Variants in PTPRC observed in about 807,000 individuals in gnomAD.
PTPRC encodes receptor-type tyrosine-protein phosphatase C.
PTPRC carries 44 observed loss-of-function variants against 155.9 expected under a neutral mutation model. The observed-to-expected ratio is 0.28, with a 90% confidence interval of 0.22 to 0.36. The LOEUF (loss-of-function observed/expected upper bound fraction) is 0.36, where lower values mean the gene tolerates loss of function less well. Among genes scored for constraint, PTPRC ranks in the 10% least tolerant of loss-of-function variants. The pLI is 1.00. For missense variants in PTPRC, 1,401 were observed against 1,564.6 expected (o/e 0.90, Z 1.76); for synonymous variants, 525 against 533.1 (o/e 0.98, Z 0.21).
At position 198,735,664 on chromosome 1, in the gene PTPRC, A is replaced by T. The variant is rs75644578; in HGVS notation, c.2403+412A>T. ...TTAGAGAACACTGTAAGAAGTATAA[A>T]GTTCTAACTATGCAGCAGAGATAGA... On this transcript the variant is annotated intron_variant, in intron 23 of 32. Coordinates refer to ENST00000442510, the MANE Select transcript of PTPRC (RefSeq NM_002838.5). 5.9e-4 allele frequency among the ~76,000 whole-genome samples: 89 copies of T among 151,812 alleles called. 1 individual carries two copies. In the East Asian group the frequency reaches 0.017, roughly 29 times the overall value.
At chr1:198,643,848 C>G (rs1662783737) in intron 2 of PTPRC, among the ~76,000 whole-genome samples, 1 of 151,916 alleles carries the variant, frequency 6.6e-6, no homozygotes, top group African/African-American at 2.4e-5. Context: ...TGCTAGTGCT[C>G]TGGGATTGCT....
At chr1:198,716,602 A>C in intron 12 of PTPRC, 80 bp from the exon 13 acceptor site, 1 of 1,252,388 alleles carries the variant, frequency 8.0e-7, no homozygotes, top group Non-Finnish European at 1.2e-6. Context: ...GAACAATGTG[A>C]TGTAGAGACC....
intron 17 of PTPRC, among the ~76,000 whole-genome samples, chr1:198,730,318 T>A (rs1654329010): frequency 1.3e-5 from 2 of 152,146 alleles, no homozygotes. Flanking sequence ...AAAGGCTTTA[T>A]TTTTCTTTGC....
At chr1:198,695,927 C>G (rs989091324) in intron 3 of PTPRC, among the ~76,000 whole-genome samples, 4 of 151,894 alleles carry the variant, frequency 2.6e-5, no homozygotes, top group Admixed American at 2.6e-4. Context: ...TTTGGGAGGC[C>G]GAGGCGGGTG....
At chr1:198,727,655 T>G (rs951382862) in intron 15 of PTPRC, among the ~76,000 whole-genome samples, 4 of 152,162 alleles carry the variant, frequency 2.6e-5, no homozygotes, top group African/African-American at 9.7e-5. Context: ...GCTCTGGAGC[T>G]GAGGCTCTTA....
intron 17 of PTPRC, among the ~76,000 whole-genome samples, chr1:198,730,890 A>G (rs1283477575): frequency 6.6e-6 from 1 of 152,142 alleles, no homozygotes; most frequent in Non-Finnish European, 1.5e-5. Flanking sequence ...AAACTGGTAA[A>G]ATTAATATGA....
chr1:198,704,807 C>G (rs537517841), intron 8 of PTPRC, among the ~76,000 whole-genome samples: 1 of 152,218 alleles, frequency 6.6e-6, no homozygotes, highest in East Asian at 1.9e-4. Flanking sequence ...ACCTCAGCAT[C>G]CTGCAATATA....
At chr1:198,750,301 G>T (rs2102540697) in intron 28 of PTPRC, 191 bp from the exon 29 acceptor site, 1 of 625,434 alleles carries the variant, frequency 1.6e-6, no homozygotes, top group African/African-American at 1.8e-5. Context: ...TATTAGCTAA[G>T]AATTACTATT....
In PTPRC at chr1:198,749,346, T is replaced by G. The variant is rs28391757; in HGVS notation, c.2939-70T>G. 912 of 1,466,916 alleles carry G rather than the reference T, an allele frequency of 6.2e-4. 4 individuals carry two copies. In the African/African-American group the frequency reaches 9.8e-3, roughly 16 times the overall value. 90.9% of individuals were successfully genotyped at this position (1,466,916 alleles called of 1,614,324 possible). A position where few individuals can be genotyped will look rare whatever the true frequency, so the allele number is the denominator to read the frequency against. ...CTGTCCCTTTTTAAATACTTTCAAA[T>G]TTCCACATGACAATGAAGAAGAAAT... On this transcript the variant is annotated intron_variant, in intron 27 of 32. Transcript: ENST00000442510.
chr1:198,727,509 G>C (rs1469593078), intron 15 of PTPRC, among the ~76,000 whole-genome samples: 2 of 152,058 alleles, frequency 1.3e-5, no homozygotes, highest in Non-Finnish European at 2.9e-5. Context: ...CAGCCACCGT[G>C]CTACGTGTTT....
At chr1:198,701,287 G>A (rs1362135630) in intron 5 of PTPRC, among the ~76,000 whole-genome samples, 3 of 152,156 alleles carry the variant, frequency 2.0e-5, no homozygotes, top group Non-Finnish European at 2.9e-5. Flanking sequence ...AGACTGTACT[G>A]CATTTGTAAT....
Position 198,756,112 on chromosome 1 carries a change from G to C in PTPRC, c.3852G>C (p.Thr1284=). The change falls in exon 33 of 33, where the codon ACG becomes ACC. Residue 1284 remains threonine, a synonymous_variant. Transcript: ENST00000442510. ...AACAGGCTGAAGGTTCTGAACCCAC[G>C]AGTGGCACTGAGGGGCCAGAACATT... The part of the protein sequence containing the change: ...AKEQAEGSEP[T]SGTEGPEHSV... The C allele has an allele frequency of 6.2e-7, 1 of 1,613,360 alleles. No individual in the cohort carries two copies. The highest frequency in any genetic ancestry group is 8.5e-7 in the Non-Finnish European group (1 of 1,179,646).
At chr1:198,703,051 TATC>T (rs1315548896) in intron 6 of PTPRC, among the ~76,000 whole-genome samples, 1 of 152,224 alleles carries the variant, frequency 6.6e-6, no homozygotes, top group Non-Finnish European at 1.5e-5. Context: ...GAAGATTGCA[TATC>T]ATCAACTAAG....
intron 14 of PTPRC, among the ~76,000 whole-genome samples, chr1:198,718,515 T>C (rs1653715399): frequency 6.6e-6 from 1 of 152,214 alleles, no homozygotes; most frequent in South Asian, 2.1e-4. Flanking sequence ...CATTGGAATA[T>C]TTTAGAACTT....
intron 3 of PTPRC, chr1:198,692,899 C>CCAACTAACGTACA: frequency 1.1e-6 from 1 of 897,584 alleles, no homozygotes; most frequent in Non-Finnish European, 1.3e-6. Flanking sequence ...TTATAAATGT[C>CCAACTAACGTACA]TTAATCATGA....
Position 198,742,238 on chromosome 1 carries a change from T to A in PTPRC, c.2568T>A (p.Gly856=), listed in dbSNP as rs1654935651. The A allele has an allele frequency of 1.2e-6, 2 of 1,612,170 alleles. No individual in the cohort carries two copies. Among genetic ancestry groups the A allele is most frequent in the Non-Finnish European group, 1.7e-6 (2 of 1,178,838 alleles). The change falls in exon 25 of 33, where the codon GGT becomes GGA. Residue 856 remains glycine (G), a synonymous_variant. Coordinates refer to ENST00000442510, the MANE Select transcript of PTPRC (RefSeq NM_002838.5). The stretch of plus-strand genomic sequence containing the variant: ...TTTTTGCTTGGTTTGCCAGTGCTGG[T>A]GTTGGGCGCACAGGAACCTATATCG... ...SGPIVVHCSA[G]VGRTGTYIGI...
At chr1:198,736,458 G>C (rs1571881921) in intron 23 of PTPRC, among the ~76,000 whole-genome samples, 1 of 151,572 alleles carries the variant, frequency 6.6e-6, no homozygotes, top group Non-Finnish European at 1.5e-5. Context: ...TCTGTGTCTG[G>C]CTTATTTCAC....
At chr1:198,660,863 C>A (rs1462623011) in intron 2 of PTPRC, among the ~76,000 whole-genome samples, 1 of 152,116 alleles carries the variant, frequency 6.6e-6, no homozygotes, top group Non-Finnish European at 1.5e-5. Flanking sequence ...CCCAAAACTG[C>A]CGCTCCTAAC....
chr1:198,699,749 C>T (rs753212808), intron 5 of PTPRC, 45 bp downstream of exon 5: 23 of 1,609,006 alleles, frequency 1.4e-5, no homozygotes, highest in Middle Eastern at 3.3e-4. Flanking sequence ...AAGTACATGA[C>T]GACTACCTGT....
Sources: gnomAD v4.1 joint callset for allele counts (sites outside exome capture counted in the v4.1 genomes callset) on GRCh38, gnomAD v4.1.1 for gene constraint, MANE v1.5 for transcripts, NCBI Gene and HGNC (gene_info 2026-07-23, HGNC 2026-07-21) for gene names.